Variants in MARK3 observed in about 807,000 individuals in gnomAD.
MARK3 encodes microtubule affinity regulating kinase 3.
A neutral mutation model predicts 90.1 loss-of-function variants in MARK3; 46 were observed. The observed-to-expected ratio is 0.51, with a 90% confidence interval of 0.40 to 0.65. The LOEUF (loss-of-function observed/expected upper bound fraction) is 0.65, where lower values mean the gene tolerates loss of function less well. Ranked by LOEUF, MARK3 falls within the 30% of genes least tolerant of loss-of-function variation. MARK3 has a pLI of 0.00. For missense variants in MARK3, 818 were observed against 947.2 expected (o/e 0.86, Z 1.79); for synonymous variants, 321 against 332.6 (o/e 0.97, Z 0.38).
At chr14:103,451,812 C>A (rs1004138982) in intron 4 of MARK3, 106 bp from the exon 5 acceptor site, 11 of 712,598 alleles carry the variant, frequency 1.5e-5, no homozygotes, top group African/African-American at 1.3e-4. Flanking sequence ...CTATTAAAAT[C>A]TTTAACAGGG....
intron 1 of MARK3, among the ~76,000 whole-genome samples, chr14:103,389,558 T>G (rs2090078784): frequency 9.5e-6 from 1 of 105,538 alleles, no homozygotes; most frequent in African/African-American, 3.4e-5. Context: ...AGCAGACAAC[T>G]TGCAACATTA....
chr14:103,431,984 C>G (rs567131237), intron 3 of MARK3, among the ~76,000 whole-genome samples: 88 of 150,356 alleles, frequency 5.9e-4, no homozygotes, highest in Non-Finnish European at 1.0e-3. Flanking sequence ...TTTCCCCCCT[C>G]CCACCTGAAT....
intron 14 of MARK3, among the ~76,000 whole-genome samples, chr14:103,486,086 G>T (rs1303762690): frequency 6.6e-6 from 1 of 152,068 alleles, no homozygotes. Flanking sequence ...CTTGAACCCA[G>T]GAGTTCAAGA....
At chr14:103,417,290 A>T (rs1308004726) in intron 2 of MARK3, 1 of 152,338 alleles carries the variant, frequency 6.6e-6, no homozygotes, top group South Asian at 2.1e-4. Context: ...GACTGACCCT[A>T]TGAAGGTGTG....
intron 2 of MARK3, among the ~76,000 whole-genome samples, chr14:103,417,690 G>C (rs1019622984): frequency 6.6e-6 from 1 of 152,062 alleles, no homozygotes; most frequent in Non-Finnish European, 1.5e-5. Flanking sequence ...TGCTTGAAAA[G>C]AGCCTCAAAA....
intron 16 of MARK3, chr14:103,498,850 A>G: frequency 5.8e-6 from 1 of 173,144 alleles, no homozygotes. Flanking sequence ...GAAGAATGAG[A>G]TGCTCAGTAA....
intron 15 of MARK3, among the ~76,000 whole-genome samples, chr14:103,493,583 A>G (rs920684070): frequency 6.6e-6 from 1 of 152,056 alleles, no homozygotes; most frequent in Admixed American, 6.6e-5. Flanking sequence ...AGAATAAACC[A>G]TTCCTTCCTG....
intron 11 of MARK3, 60 bp downstream of exon 11, chr14:103,467,251 G>T: frequency 2.7e-6 from 2 of 731,538 alleles, no homozygotes; most frequent in Admixed American, 2.6e-5. Flanking sequence ...TATATAAACT[G>T]TTTTCTTAGT....
chr14:103,500,643 T>C (rs1035065482), intron 17 of MARK3, among the ~76,000 whole-genome samples: 1 of 152,178 alleles, frequency 6.6e-6, no homozygotes, highest in Admixed American at 6.5e-5. Context: ...CTTTTTTTTT[T>C]TTCTGAGACA....
intron 2 of MARK3, chr14:103,412,406 C>G: frequency 1.7e-6 from 1 of 590,954 alleles, no homozygotes; most frequent in South Asian, 1.9e-5. Flanking sequence ...GCCGAGGATT[C>G]GTGGGATTTG....
chr14:103,421,264 T>A (rs1363163462), intron 2 of MARK3, among the ~76,000 whole-genome samples: 1 of 152,234 alleles, frequency 6.6e-6, no homozygotes, highest in Non-Finnish European at 1.5e-5. Context: ...AATCTGCTGT[T>A]GCAAAATGTT....
Position 103,458,602 on chromosome 14 carries a change from G to A in MARK3, c.483+1390G>A, listed in dbSNP as rs188394509. 3.3e-3 allele frequency: 1,582 copies of A among 475,554 alleles called. 6 individuals are homozygous for A. The highest frequency in any genetic ancestry group is 5.0e-3 in the Middle Eastern group (12 of 2,414). 29.5% of individuals were successfully genotyped at this position (475,554 alleles called of 1,614,324 possible). On this transcript the variant is annotated intron_variant, in intron 6 of 17. Coordinates refer to ENST00000429436, the MANE Select transcript of MARK3 (RefSeq NM_001128918.3). Reference sequence around the variant, plus strand: ...TAATTTGCCAACCCCTGATTTAGACGAAGGAAAGGAGCAGTGCTTCACTGC... The same window carrying A: ...TAATTTGCCAACCCCTGATTTAGACAAAGGAAAGGAGCAGTGCTTCACTGC...
At chr14:103,489,308 G>C (rs2093979981) in intron 14 of MARK3, 1 of 152,294 alleles carries the variant, frequency 6.6e-6, no homozygotes, top group African/African-American at 2.4e-5. Flanking sequence ...TGAGTTCCAG[G>C]AGGGAATGAT....
At chr14:103,419,956 A>G (rs2092135444) in intron 2 of MARK3, among the ~76,000 whole-genome samples, 1 of 151,738 alleles carries the variant, frequency 6.6e-6, no homozygotes, top group African/African-American at 2.4e-5. Flanking sequence ...GTGAATAGCC[A>G]CTGCCTGGGG....
At chr14:103,408,042 G>T (rs1374883217) in intron 2 of MARK3, among the ~76,000 whole-genome samples, 1 of 152,116 alleles carries the variant, frequency 6.6e-6, no homozygotes, top group Non-Finnish European at 1.5e-5. Flanking sequence ...CATTGTATTG[G>T]AATTGCTCGT....
chr14:103,412,024 C>T (rs1396089748), intron 2 of MARK3: 5 of 340,514 alleles, frequency 1.5e-5, no homozygotes, highest in East Asian at 4.2e-5. Flanking sequence ...AAAAACAGAG[C>T]ATGAAATTTT....
intron 14 of MARK3, among the ~76,000 whole-genome samples, chr14:103,487,437 T>C (rs539374094): frequency 6.6e-6 from 1 of 152,188 alleles, no homozygotes; most frequent in East Asian, 2.0e-4. Flanking sequence ...CTTACCATGC[T>C]TGTATGCCTT....
chr14:103,472,520 G>T (rs1055282903), intron 12 of MARK3, among the ~76,000 whole-genome samples: 5 of 151,332 alleles, frequency 3.3e-5, no homozygotes, highest in African/African-American at 1.2e-4. Context: ...GGTGTCAAGT[G>T]CCTGTAGTCC....
At chr14:103,493,679 A>T (rs1316500315) in intron 15 of MARK3, among the ~76,000 whole-genome samples, 4 of 151,256 alleles carry the variant, frequency 2.6e-5, no homozygotes, top group Non-Finnish European at 4.4e-5. Context: ...GTTTGAGACC[A>T]GCCTGACCAA....
Sources: gnomAD v4.1 joint callset for allele counts (sites outside exome capture counted in the v4.1 genomes callset) on GRCh38, gnomAD v4.1.1 for gene constraint, MANE v1.5 for transcripts, NCBI Gene and HGNC (gene_info 2026-07-23, HGNC 2026-07-21) for gene names.